The following CYYR1 variants were observed in gnomAD, a reference collection of about 807,000 sequenced individuals.
The protein encoded by CYYR1 is cysteine and tyrosine-rich protein 1.
In CYYR1, 14 loss-of-function variants were observed where a neutral mutation model predicts 15.2. That is an observed-to-expected ratio of 0.92 (90% CI 0.61 to 1.44). The LOEUF (loss-of-function observed/expected upper bound fraction) is 1.44, where lower values mean the gene tolerates loss of function less well. Among genes scored for constraint, CYYR1 ranks in the 40% most tolerant of loss-of-function variants. The pLI is 0.00. For missense variants in CYYR1, 228 were observed against 209.5 expected (o/e 1.09, Z -0.54); for synonymous variants, 80 against 77.4 (o/e 1.03, Z -0.18).
intron 2 of CYYR1, among the ~76,000 whole-genome samples, chr21:26,528,701 A>C (rs1220235102): frequency 6.6e-6 from 1 of 152,230 alleles, no homozygotes; most frequent in African/African-American, 2.4e-5. Context: ...AAAGCACTTA[A>C]AATGAGGGGA....
chr21:26,570,651 G>A (rs1980950805), intron 1 of CYYR1, among the ~76,000 whole-genome samples: 1 of 152,110 alleles, frequency 6.6e-6, no homozygotes. Context: ...TTTGCTTTGG[G>A]GAAAATAATT....
chr21:26,511,489 G>A (rs1340041976), intron 2 of CYYR1, among the ~76,000 whole-genome samples: 2 of 152,180 alleles, frequency 1.3e-5, no homozygotes, highest in East Asian at 3.8e-4. Context: ...ATAGTCATAT[G>A]CTGGAATGCA....
chr21:26,523,518 C>T lies in CYYR1; in HGVS notation c.176+42748G>A, dbSNP rs114385292. ...ATCCAACCTCTGCATTGCGGTCTGC[C>T]GGACTCTGTGTCATCTGACCTATGT... On this transcript the variant is annotated intron_variant, in intron 2 of 3. Coordinates refer to ENST00000652641, the MANE Select transcript of CYYR1 (RefSeq NM_001320768.2). 5.6e-3 allele frequency among the ~76,000 whole-genome samples: 859 copies of T among 152,280 alleles called. 3 individuals carry two copies. Among genetic ancestry groups the T allele is most frequent in the African/African-American group, 0.02 (812 of 41,560 alleles).
At position 26,573,053 on chromosome 21, in the gene CYYR1, C is replaced by A. The variant is rs745373706; in HGVS notation, c.-113G>T. ...CAGCGCTCCTGAGAGCCGGGTGGAG[C>A]AGAGACCCGGCCATTGCCTAGGGAG... On this transcript the variant is annotated 5_prime_UTR_variant, in exon 1 of 4. Coordinates refer to ENST00000652641, the MANE Select transcript of CYYR1 (RefSeq NM_001320768.2). The A allele has an allele frequency of 2.7e-5, 42 of 1,582,650 alleles. No homozygotes were observed. The Admixed American group carries it at 7.6e-4, about 29-fold the overall frequency.
intron 2 of CYYR1, among the ~76,000 whole-genome samples, chr21:26,491,801 T>C (rs2065332701): frequency 6.6e-6 from 1 of 152,164 alleles, no homozygotes; most frequent in African/African-American, 2.4e-5. Flanking sequence ...CATTACAAGC[T>C]GGCCTGCCCA....
intron 2 of CYYR1, among the ~76,000 whole-genome samples, chr21:26,527,328 T>C (rs1047577966): frequency 6.6e-6 from 1 of 152,212 alleles, no homozygotes; most frequent in Non-Finnish European, 1.5e-5. Context: ...TTATGGCCTC[T>C]TTTTTAAAGG....
chr21:26,562,727 AACACACACACACAC>A (rs58990363), intron 2 of CYYR1, among the ~76,000 whole-genome samples: 1 of 131,612 alleles, frequency 7.6e-6, no homozygotes, highest in Non-Finnish European at 1.6e-5. Context: ...TCTCCTCCTA[AACACACACACACAC>A]ACACACACAC....
intron 3 of CYYR1, among the ~76,000 whole-genome samples, chr21:26,476,585 C>CTCATCT (rs1555902962): frequency 7.0e-6 from 1 of 143,738 alleles, no homozygotes; most frequent in Non-Finnish European, 1.5e-5. Flanking sequence ...CCCTATCTAT[C>CTCATCT]ATCTATCTAT....
At chr21:26,555,322 G>C (rs8131219) in intron 2 of CYYR1, among the ~76,000 whole-genome samples, 1 of 152,052 alleles carries the variant, frequency 6.6e-6, no homozygotes, top group Admixed American at 6.6e-5. Flanking sequence ...ATACTTCAGA[G>C]GCTGATCCTA....
chr21:26,508,455 A>G (rs1180853704), intron 2 of CYYR1, among the ~76,000 whole-genome samples: 1 of 152,178 alleles, frequency 6.6e-6, no homozygotes, highest in Non-Finnish European at 1.5e-5. Context: ...TAGGTAAAAG[A>G]AAAAACTTTT....
At position 26,468,599 on chromosome 21, in the gene CYYR1, C is replaced by G. The variant is rs2064996373; in HGVS notation, c.370G>C (p.Glu124Gln). 6.2e-7 allele frequency: 1 copy of G among 1,612,414 alleles called. No individual in the cohort carries two copies. The highest frequency in any genetic ancestry group is 8.5e-7 in the Non-Finnish European group (1 of 1,179,204). ...GGAGGAGGCAAGTCTGCACAGTATTCCATCTCGTGGTCGTGACCGTAGGGT... is the reference window on the plus strand; with the variant it reads ...GGAGGAGGCAAGTCTGCACAGTATTGCATCTCGTGGTCGTGACCGTAGGGT... ...PPPYGHDHEM[E>Q]YCADLPPPYS... The change falls in exon 4 of 4, where the codon GAA (glutamate) becomes CAA (glutamine). Residue 124 changes from glutamate (E) to glutamine (Q), a missense_variant. By Grantham distance (29) the Glu-to-Gln change is conservative (BLOSUM62 2). Transcript: ENST00000652641.
chr21:26,536,737 T>A (rs1410752763), intron 2 of CYYR1, among the ~76,000 whole-genome samples: 2 of 152,096 alleles, frequency 1.3e-5, no homozygotes, highest in African/African-American at 4.8e-5. Context: ...TGATGTTACC[T>A]GGGCACCACT....
chr21:26,495,392 C>T (rs1023216434), intron 2 of CYYR1, among the ~76,000 whole-genome samples: 1 of 152,200 alleles, frequency 6.6e-6, no homozygotes, highest in Non-Finnish European at 1.5e-5. Flanking sequence ...TCCCACGCGT[C>T]TCAGAAGGGC....
intron 2 of CYYR1, among the ~76,000 whole-genome samples, chr21:26,560,064 A>C (rs1980091666): frequency 6.6e-6 from 1 of 152,162 alleles, no homozygotes; most frequent in Non-Finnish European, 1.5e-5. Flanking sequence ...CATCTTTACA[A>C]TACCTGCATC....
At chr21:26,519,850 G>A (rs1332936133) in intron 2 of CYYR1, among the ~76,000 whole-genome samples, 1 of 151,806 alleles carries the variant, frequency 6.6e-6, no homozygotes, top group African/African-American at 2.4e-5. Context: ...TAGAACCAAG[G>A]ATCATTTCAC....
chr21:26,540,560 C>T (rs949180897), intron 2 of CYYR1, among the ~76,000 whole-genome samples: 4 of 152,036 alleles, frequency 2.6e-5, no homozygotes, highest in Admixed American at 1.3e-4. Flanking sequence ...ACACTATGCA[C>T]GCATGGGGCA....
At chr21:26,564,744 C>T in intron 2 of CYYR1, 2 of 1,218,692 alleles carry the variant, frequency 1.6e-6, no homozygotes, top group Non-Finnish European at 1.1e-6. Flanking sequence ...AAGCTAGGAG[C>T]CAGATGACCA....
intron 2 of CYYR1, among the ~76,000 whole-genome samples, chr21:26,530,965 C>T (rs2123603578): frequency 6.6e-6 from 1 of 152,080 alleles, no homozygotes; most frequent in African/African-American, 2.4e-5. Context: ...TGTTAGTGGC[C>T]CAGAAAGACA....
In CYYR1 at chr21:26,466,412, T is replaced by C. The variant is rs892741173; in HGVS notation, c.*2089A>G. Reference sequence around the variant, plus strand: ...GTGCACATTGATGCTATTATGACACTTAATACAAATAGTAAAAATACTCAT... The same window carrying C: ...GTGCACATTGATGCTATTATGACACCTAATACAAATAGTAAAAATACTCAT... On this transcript the variant is annotated 3_prime_UTR_variant, in exon 4 of 4. Transcript: ENST00000652641. 1 of 152,178 alleles carries C rather than the reference T, an allele frequency of 6.6e-6. No individual in the cohort carries two copies. Among genetic ancestry groups the C allele is most frequent in the South Asian group, 2.1e-4 (1 of 4,828 alleles). 9.4% of individuals were successfully genotyped at this position (152,178 alleles called of 1,614,324 possible). A position where few individuals can be genotyped will look rare whatever the true frequency, so the allele number is the denominator to read the frequency against.
Sources: allele counts gnomAD v4.1 joint callset (sites outside exome capture counted in the v4.1 genomes callset), GRCh38; gene constraint gnomAD v4.1.1; transcripts MANE v1.5; gene names NCBI Gene and HGNC (gene_info 2026-07-23, HGNC 2026-07-21).